SCART1: variants seen among roughly 807,000 people sequenced by gnomAD.
The protein encoded by SCART1 is scavenger receptor family member expressed on T cells 1.
A neutral mutation model predicts 36.2 loss-of-function variants in SCART1; 62 were observed. The ratio of observed to expected loss-of-function variants is 1.71; its 90% CI spans 1.40 to 2.12. The LOEUF is 2.12. Ranked by LOEUF, SCART1 falls within the 30% of genes most tolerant of loss-of-function variation. SCART1 has a pLI of 0.00. For synonymous variants in SCART1, 487 were observed against 238.7 expected, an observed-to-expected ratio of 2.04 and a Z score of -9.59; for missense variants, 1,041 against 540.5, an observed-to-expected ratio of 1.93 and a Z score of -9.18.
At chr10:133,454,820 AGAG>A (rs372460916) in intron 1 of SCART1, among the ~76,000 whole-genome samples, 7 of 152,266 alleles carry the variant, frequency 4.6e-5, no homozygotes, top group African/African-American at 1.7e-4. Flanking sequence ...CAGAAAGTGC[AGAG>A]GAGGTTAGGA....
rs1002602567 is a variant in SCART1 at position 133,465,961 on chromosome 10, T to C, written c.2660-274T>C. The C allele has an allele frequency of 1.0e-5, 7 of 670,612 alleles. No individual in the cohort carries two copies. The African/African-American group carries it at 1.2e-4, about 12-fold the overall frequency. The allele number at this position is 670,612 out of a possible 1,614,324, so 41.5% of individuals were successfully genotyped here. On this transcript the variant is annotated intron_variant, in intron 9 of 11. Transcript: ENST00000640237. ...TGAGCCACTCCCATTCTCTGTGCTC[T>C]GGTCACCTCTTGTGACTTGCCCTGG...
In SCART1 at chr10:133,466,388, G is replaced by A. The variant is rs1191780951; in HGVS notation, c.2806+7G>A. On this transcript the variant is annotated splice_region_variant and intron_variant, in intron 10 of 11. Coordinates refer to ENST00000640237, the Ensembl canonical transcript of SCART1. ...ACACAAGCCATGCAGAGGGGTAAGC[G>A]TGAGCCCACCCTGATCCCATCAACT... 2.9e-6 allele frequency: 2 copies of A among 701,622 alleles called. No individual in the cohort carries two copies. Among genetic ancestry groups the A allele is most frequent in the African/African-American group, 1.7e-5 (1 of 57,236 alleles). The allele number at this position is 701,622 out of a possible 1,614,324, so 43.5% of individuals were successfully genotyped here. A position where few individuals can be genotyped will look rare whatever the true frequency, so the allele number is the denominator to read the frequency against.
downstream of SCART1, among the ~76,000 whole-genome samples, chr10:133,469,601 G>A (rs1295215854): frequency 1.3e-5 from 2 of 152,070 alleles, no homozygotes; most frequent in African/African-American, 4.8e-5. Flanking sequence ...CAGGGGGTGG[G>A]GGGCTAGGGA....
intron 1 of SCART1, among the ~76,000 whole-genome samples, chr10:133,455,680 A>G (rs1201312004): frequency 2.0e-5 from 3 of 151,976 alleles, no homozygotes; most frequent in Non-Finnish European, 4.4e-5. Flanking sequence ...TGAGATGCTC[A>G]GAGACCGGAG....
chr10:133,456,307 C>T (rs557714890), exon 2 of SCART1: 78 of 702,810 alleles, frequency 1.1e-4, no homozygotes, highest in African/African-American at 2.8e-4. Flanking sequence ...TCCGACACCA[C>T]GGGGCATGGG....
chr10:133,459,412 G>T, intron 5 of SCART1, 75 bp from the exon 6 acceptor site: 1 of 615,912 alleles, frequency 1.6e-6, no homozygotes, highest in South Asian at 1.9e-5. Context: ...GGGCGGAGAG[G>T]TACGGGCCCT....
At chr10:133,454,172 G>A (rs1017463771) in intron 1 of SCART1, 108 bp downstream of exon 1, 12 of 688,450 alleles carry the variant, frequency 1.7e-5, no homozygotes, top group African/African-American at 1.1e-4. Context: ...GTCTGCCTGG[G>A]TCTCACTCAG....
chr10:133,465,298 C>A (rs528863675), exon 9 of SCART1: 5 of 681,372 alleles, frequency 7.3e-6, no homozygotes, highest in Admixed American at 2.1e-5. Flanking sequence ...CTGCTCCGGG[C>A]GCGTGGAGCT....
chr10:133,457,317 A>C (rs1374859016), exon 3 of SCART1: 1 of 698,862 alleles, frequency 1.4e-6, no homozygotes. Flanking sequence ...GAAGGGCCGC[A>C]GTCCCTGCGC....
intron 6 of SCART1, 51 bp downstream of exon 6, chr10:133,460,221 C>T: frequency 2.3e-6 from 1 of 429,540 alleles, no homozygotes; most frequent in Non-Finnish European, 4.1e-6. Context: ...TACGTACAGT[C>T]ATGCGCACTT....
intron 11 of SCART1, among the ~76,000 whole-genome samples, 181 bp downstream of exon 11, chr10:133,467,534 G>A (rs142611167): frequency 5.3e-5 from 8 of 152,296 alleles, no homozygotes; most frequent in African/African-American, 1.9e-4. Flanking sequence ...CATGAGGGCA[G>A]AGTCAGTGGC....
In SCART1 at chr10:133,465,562, T is replaced by TG; in HGVS notation, c.2659+1dup. ...CGAGGAGGACGCGGGCGTGCGCTGC[T>TG]GGGGTGAGTGGGGGGCGGTGGGAAG... On this transcript the variant is annotated frameshift_variant, in exon 9 of 12. Coordinates refer to ENST00000640237, the Ensembl canonical transcript of SCART1. LOFTEE classifies it high-confidence loss of function. 1.8e-6 allele frequency: 1 copy of TG among 563,750 alleles called. No individual in the cohort carries two copies. The highest frequency in any genetic ancestry group is 3.1e-6 in the Non-Finnish European group (1 of 322,796). The allele number at this position is 563,750 out of a possible 1,614,324, so 34.9% of individuals were successfully genotyped here. A position where few individuals can be genotyped will look rare whatever the true frequency, so the allele number is the denominator to read the frequency against.
Sources: gnomAD v4.1 joint callset for allele counts (sites outside exome capture counted in the v4.1 genomes callset) on GRCh38, gnomAD v4.1.1 for gene constraint, MANE v1.5 for transcripts, NCBI Gene and HGNC (gene_info 2026-07-23, HGNC 2026-07-21) for gene names.